TRPC7: variants seen among roughly 807,000 people sequenced by gnomAD.
TRPC7 encodes the protein short transient receptor potential channel 7.
Under a neutral mutation model 90.1 loss-of-function variants are expected in TRPC7, and 42 were observed. The observed-to-expected ratio is 0.47, with a 90% CI of 0.36 to 0.60. The LOEUF is 0.60. TRPC7 is among the 20% of genes least tolerant of loss of function. TRPC7 has a pLI of 0.00. For missense variants in TRPC7, 955 were observed against 1,112.3 expected, an observed-to-expected ratio of 0.86 and a Z score of 2.01; for synonymous variants, 451 against 436.3, an observed-to-expected ratio of 1.03 and a Z score of -0.42.
chr5:136,239,332 T>C (rs1468209604), intron 7 of TRPC7, among the ~76,000 whole-genome samples: 12 of 152,198 alleles, frequency 7.9e-5, no homozygotes, highest in Non-Finnish European at 1.8e-4. Flanking sequence ...ATTGTAACTT[T>C]CACAGTGTAA....
chr5:136,285,927 C>T (rs192739328), intron 3 of TRPC7, among the ~76,000 whole-genome samples: 8 of 152,282 alleles, frequency 5.3e-5, no homozygotes, highest in African/African-American at 1.9e-4. Flanking sequence ...CTACTCAGTT[C>T]CTCCTGTCCT....
intron 2 of TRPC7, among the ~76,000 whole-genome samples, chr5:136,339,740 C>A (rs1300531664): frequency 6.6e-6 from 1 of 152,086 alleles, no homozygotes; most frequent in African/African-American, 2.4e-5. Flanking sequence ...CTAAATTATT[C>A]TTAAAAACCC....
rs935232252 is a variant in TRPC7 at position 136,238,500 on chromosome 5, A to G, written c.1845-6951T>C. 2.0e-5 allele frequency among the ~76,000 whole-genome samples: 3 copies of G among 152,254 alleles called. No homozygotes were observed. In the South Asian group the frequency reaches 6.2e-4, roughly 31 times the overall value. On this transcript the variant is annotated intron_variant, in intron 7 of 11. Coordinates refer to ENST00000513104, the MANE Select transcript of TRPC7 (RefSeq NM_020389.3). ...CCTCAGACCTGCCCCTGCTGGTAAC[A>G]TCTCAAGCTAACCCTGGACATTGCA...
chr5:136,229,874 C>T (rs886727417), intron 8 of TRPC7, among the ~76,000 whole-genome samples: 5 of 152,240 alleles, frequency 3.3e-5, no homozygotes, highest in African/African-American at 9.6e-5. Context: ...TTATTCCCTT[C>T]CCCAGAGGAC....
chr5:136,226,894 A>C (rs546651843), intron 8 of TRPC7, among the ~76,000 whole-genome samples: 17 of 152,332 alleles, frequency 1.1e-4, no homozygotes, highest in African/African-American at 4.1e-4. Flanking sequence ...CTCCAGTGTG[A>C]ATTTTATCCT....
chr5:136,227,997 TA>T (rs960410974), intron 8 of TRPC7, among the ~76,000 whole-genome samples: 1 of 152,168 alleles, frequency 6.6e-6, no homozygotes, highest in African/African-American at 2.4e-5. Flanking sequence ...ACCTGCTATG[TA>T]CTTGGCATGT....
chr5:136,327,967 C>A (rs1759393906), intron 2 of TRPC7, among the ~76,000 whole-genome samples: 1 of 152,126 alleles, frequency 6.6e-6, no homozygotes, highest in African/African-American at 2.4e-5. Context: ...TGGGTAAGAA[C>A]CTGAGCCTAG....
At chr5:136,261,037 G>C (rs1157953221) in intron 5 of TRPC7, among the ~76,000 whole-genome samples, 1 of 152,154 alleles carries the variant, frequency 6.6e-6, no homozygotes, top group Non-Finnish European at 1.5e-5. Context: ...GAGGTGCCTA[G>C]GAGCAGAATT....
At chr5:136,273,563 T>C (rs758883532) in intron 4 of TRPC7, among the ~76,000 whole-genome samples, 102 of 152,172 alleles carry the variant, frequency 6.7e-4, no homozygotes, top group Non-Finnish European at 1.4e-3. Context: ...ACTGTCTGGT[T>C]AGGTGGCCTC....
chr5:136,340,782 C>A (rs528412582), intron 2 of TRPC7, among the ~76,000 whole-genome samples: 1 of 151,560 alleles, frequency 6.6e-6, no homozygotes, highest in South Asian at 2.1e-4. Context: ...TCATAAAATA[C>A]AGTAAAAACA....
chr5:136,353,758 A>G (rs913068488), intron 2 of TRPC7, among the ~76,000 whole-genome samples: 3 of 152,240 alleles, frequency 2.0e-5, no homozygotes, highest in African/African-American at 7.2e-5. Flanking sequence ...CAGCAAGCAA[A>G]TGTATTGATG....
intron 7 of TRPC7, among the ~76,000 whole-genome samples, chr5:136,237,917 T>G (rs1756034063): frequency 6.6e-6 from 1 of 152,218 alleles, no homozygotes; most frequent in Non-Finnish European, 1.5e-5. Flanking sequence ...TCTCTGTTAG[T>G]GGCTTTCCCT....
chr5:136,304,670 G>T (rs1011335228), intron 3 of TRPC7, among the ~76,000 whole-genome samples: 1 of 152,112 alleles, frequency 6.6e-6, no homozygotes, highest in Non-Finnish European at 1.5e-5. Flanking sequence ...GGGCTATACT[G>T]CTGCAAGGCT....
intron 3 of TRPC7, among the ~76,000 whole-genome samples, chr5:136,289,744 A>T (rs1253750714): frequency 6.6e-6 from 1 of 152,220 alleles, no homozygotes; most frequent in African/African-American, 2.4e-5. Context: ...AAAAGGCAGC[A>T]TAACCTCTGC....
chr5:136,320,540 T>C (rs191119540), intron 2 of TRPC7, among the ~76,000 whole-genome samples: 5 of 152,270 alleles, frequency 3.3e-5, no homozygotes, highest in African/African-American at 1.2e-4. Context: ...GAGATTTTAG[T>C]TCCTGTCCTA....
chr5:136,297,039 C>A (rs779776650), intron 3 of TRPC7, among the ~76,000 whole-genome samples: 5 of 152,194 alleles, frequency 3.3e-5, no homozygotes, highest in Non-Finnish European at 4.4e-5. Context: ...CGTGATCGCA[C>A]CTTTATAGGT....
Position 136,247,647 on chromosome 5 carries a change from T to G in TRPC7, c.1668A>C (p.Ala556=). Residue 556 remains alanine (A), a synonymous_variant, in exon 7 of 12, where the codon GCA becomes GCC. Coordinates refer to ENST00000513104, the MANE Select transcript of TRPC7 (RefSeq NM_020389.3). This position sits in a 1 kb window ranked among gnomAD's most constrained non-coding sequence, Gnocchi z 4.2. ...IAVVLSFSRI[A]YILPANESFG... ...AACTCTCGTTGGCTGGCAGAATGTATGCAATGCGAGAGAAGCTCAGCACGA... is the reference window on the plus strand; with the variant it reads ...AACTCTCGTTGGCTGGCAGAATGTAGGCAATGCGAGAGAAGCTCAGCACGA... 1 of 1,614,002 alleles carries G rather than the reference T, an allele frequency of 6.2e-7. No homozygotes were observed. Among genetic ancestry groups the G allele is most frequent in the Non-Finnish European group, 8.5e-7 (1 of 1,179,884 alleles).
chr5:136,309,366 CTCTCCCA>C (rs1317511063), intron 3 of TRPC7, among the ~76,000 whole-genome samples: 1 of 152,222 alleles, frequency 6.6e-6, no homozygotes, highest in African/African-American at 2.4e-5. Context: ...GCTCAGCTCC[CTCTCCCA>C]TCTCCCACAT....
chr5:136,292,628 G>A (rs1758000922), intron 3 of TRPC7, among the ~76,000 whole-genome samples: 2 of 152,262 alleles, frequency 1.3e-5, no homozygotes, highest in South Asian at 4.1e-4. Context: ...CCAATAACAG[G>A]CTCTGAAATT....
Sources: gnomAD v4.1 joint callset for allele counts (sites outside exome capture counted in the v4.1 genomes callset) on GRCh38, gnomAD v4.1.1 for gene constraint, Gnocchi (gnomAD v3.1) non-coding constraint, MANE v1.5 for transcripts, NCBI Gene and HGNC (gene_info 2026-07-23, HGNC 2026-07-21) for gene names.